Variants in LRRTM4 observed in about 807,000 individuals in gnomAD.
LRRTM4 encodes the protein leucine rich repeat transmembrane neuronal 4, also known as leucine-rich repeat transmembrane neuronal protein 4.
Under a neutral mutation model 47.6 loss-of-function variants are expected in LRRTM4, and 25 were observed. That is an observed-to-expected ratio of 0.53 (90% CI 0.38 to 0.73). The LOEUF is 0.73. Ranked by LOEUF, LRRTM4 falls within the 30% of genes least tolerant of loss-of-function variation. The probability of loss-of-function intolerance (pLI) is 0.00; values close to 1 mark genes in which losing one functional copy is unlikely to be tolerated. For missense variants in LRRTM4, 638 were observed against 713.4 expected (o/e 0.89, Z 1.20); for synonymous variants, 311 against 269.5 (o/e 1.15, Z -1.51).
At chr2:77,214,939 C>T (rs1373466826) in intron 3 of LRRTM4, among the ~76,000 whole-genome samples, 2 of 152,008 alleles carry the variant, frequency 1.3e-5, no homozygotes, top group Non-Finnish European at 2.9e-5. Flanking sequence ...TAGAGTCCGC[C>T]TTCTTTAGCT....
At chr2:77,121,875 A>G (rs1671530087) in intron 3 of LRRTM4, among the ~76,000 whole-genome samples, 2 of 151,998 alleles carry the variant, frequency 1.3e-5, no homozygotes, top group African/African-American at 2.4e-5. Flanking sequence ...GGGATCTTCA[A>G]GTGTAATAAC....
intron 3 of LRRTM4, among the ~76,000 whole-genome samples, chr2:77,069,516 C>A (rs1486571815): frequency 1.3e-5 from 2 of 151,642 alleles, no homozygotes; most frequent in Admixed American, 6.6e-5. Flanking sequence ...CCCAGTGAAG[C>A]CATCTTGTTC....
intron 3 of LRRTM4, among the ~76,000 whole-genome samples, chr2:77,435,794 G>T (rs1427810395): frequency 6.6e-6 from 1 of 152,130 alleles, no homozygotes; most frequent in African/African-American, 2.4e-5. Context: ...AAGGTAGGAG[G>T]TGGACACAAA....
chr2:76,827,670 A>G lies in LRRTM4; in HGVS notation c.1552-78754T>C, dbSNP rs181025981. On this transcript the variant is annotated intron_variant, in intron 3 of 3. Transcript: ENST00000409884. Reference sequence around the variant, plus strand: ...TATATGAGGATAATAAAAACAGTCAACTTATTTCTTAAATTGTGTTTAAGG... The same window carrying G: ...TATATGAGGATAATAAAAACAGTCAGCTTATTTCTTAAATTGTGTTTAAGG... Among the ~76,000 whole-genome samples the G allele has an allele frequency of 8.1e-4, 123 of 151,970 alleles. 1 individual carries two copies. In the East Asian group the frequency reaches 0.015, roughly 18 times the overall value.
chr2:76,938,428 T>C (rs1675029817), intron 3 of LRRTM4, among the ~76,000 whole-genome samples: 1 of 152,192 alleles, frequency 6.6e-6, no homozygotes, highest in African/African-American at 2.4e-5. Context: ...ATGATTCTTT[T>C]AGAGTGATTT....
Position 76,800,769 on chromosome 2 carries a change from C to T in LRRTM4, c.1552-51853G>A, listed in dbSNP as rs1311345762. Among the ~76,000 whole-genome samples the T allele has an allele frequency of 3.1e-4, 41 of 133,116 alleles. 1 individual carries two copies. In the Admixed American group the frequency reaches 3.1e-3, roughly 10 times the overall value. 87.3% of individuals were successfully genotyped at this position (133,116 alleles called of 152,430 possible). A position where few individuals can be genotyped will look rare whatever the true frequency, so the allele number is the denominator to read the frequency against. ...AACAAATTTACAAGAAAAAAACAAA[C>T]AACCCCATCAAAAAGTGGGCGAAGG... On this transcript the variant is annotated intron_variant, in intron 3 of 3. Coordinates refer to ENST00000409884, the MANE Select transcript of LRRTM4 (RefSeq NM_001134745.3).
chr2:77,355,885 G>C (rs758914408), intron 3 of LRRTM4, among the ~76,000 whole-genome samples: 10 of 152,138 alleles, frequency 6.6e-5, no homozygotes, highest in Non-Finnish European at 1.2e-4. Flanking sequence ...TTGAACTCAG[G>C]AGTTTGAGAC....
intron 3 of LRRTM4, among the ~76,000 whole-genome samples, chr2:77,167,263 C>A (rs1375447083): frequency 6.6e-6 from 1 of 152,138 alleles, no homozygotes; most frequent in East Asian, 1.9e-4. Context: ...TACCATTTCA[C>A]ATCAGTTAGA....
chr2:76,789,635 A>G (rs1361641201), intron 3 of LRRTM4, among the ~76,000 whole-genome samples: 4 of 152,090 alleles, frequency 2.6e-5, no homozygotes, highest in Admixed American at 2.6e-4. Flanking sequence ...AACCTACTCC[A>G]TGGTTCCCGC....
At chr2:76,902,764 G>A (rs1011178001) in intron 3 of LRRTM4, among the ~76,000 whole-genome samples, 7 of 152,244 alleles carry the variant, frequency 4.6e-5, no homozygotes, top group Admixed American at 4.6e-4. Flanking sequence ...CACTTGTCTA[G>A]AATCAAACTG....
intron 3 of LRRTM4, among the ~76,000 whole-genome samples, chr2:77,293,091 C>A (rs1230640972): frequency 2.6e-5 from 4 of 151,808 alleles, no homozygotes; most frequent in African/African-American, 9.7e-5. Flanking sequence ...TTGTCAAATT[C>A]TCTTGGAAAT....
chr2:77,521,423 G>C (rs1448133692), intron 2 of LRRTM4, among the ~76,000 whole-genome samples: 1 of 151,758 alleles, frequency 6.6e-6, no homozygotes, highest in African/African-American at 2.4e-5. Context: ...AGTAGAAACA[G>C]TCTTAAAGAT....
At chr2:76,950,553 T>A (rs13385727) in intron 3 of LRRTM4, among the ~76,000 whole-genome samples, 2 of 151,324 alleles carry the variant, frequency 1.3e-5, no homozygotes, top group African/African-American at 4.9e-5. Context: ...GTCCTCTGGT[T>A]AATCAAAATG....
chr2:76,752,653 C>G (rs150890228), intron 3 of LRRTM4, among the ~76,000 whole-genome samples: 1 of 152,138 alleles, frequency 6.6e-6, no homozygotes, highest in Non-Finnish European at 1.5e-5. Flanking sequence ...CTATAGGGCA[C>G]TATGTAATCA....
intron 3 of LRRTM4, among the ~76,000 whole-genome samples, chr2:77,443,623 A>G (rs1014545683): frequency 6.6e-6 from 1 of 152,142 alleles, no homozygotes; most frequent in Non-Finnish European, 1.5e-5. Flanking sequence ...TAAATGAGAT[A>G]CTGGGGTGAT....
chr2:77,160,638 G>C (rs1398460392), intron 3 of LRRTM4, among the ~76,000 whole-genome samples: 1 of 152,100 alleles, frequency 6.6e-6, no homozygotes, highest in Non-Finnish European at 1.5e-5. Flanking sequence ...AAGACTGACA[G>C]CTTGTGCTTT....
At chr2:77,070,258 T>C (rs1382386153) in intron 3 of LRRTM4, among the ~76,000 whole-genome samples, 1 of 152,086 alleles carries the variant, frequency 6.6e-6, no homozygotes, top group Non-Finnish European at 1.5e-5. Flanking sequence ...ATACAATAAA[T>C]GCTCCACAGG....
At chr2:77,348,060 T>C (rs912471778) in intron 3 of LRRTM4, among the ~76,000 whole-genome samples, 16 of 151,776 alleles carry the variant, frequency 1.1e-4, no homozygotes, top group South Asian at 6.2e-4. Flanking sequence ...TATTTACTTA[T>C]ATATGTTTTT....
intron 3 of LRRTM4, among the ~76,000 whole-genome samples, chr2:76,761,833 G>A (rs1013773452): frequency 1.3e-5 from 2 of 152,142 alleles, no homozygotes; most frequent in African/African-American, 4.8e-5. Flanking sequence ...GACACTTAGG[G>A]GAGGATCATT....
Sources: gnomAD v4.1 joint callset for allele counts (sites outside exome capture counted in the v4.1 genomes callset) on GRCh38, gnomAD v4.1.1 for gene constraint, MANE v1.5 for transcripts, NCBI Gene and HGNC (gene_info 2026-07-23, HGNC 2026-07-21) for gene names.